RALGPS1: variants seen among roughly 807,000 people sequenced by gnomAD.
The protein encoded by RALGPS1 is ras-specific guanine nucleotide-releasing factor RalGPS1.
RALGPS1 carries 19 observed loss-of-function variants against 78.8 expected under a neutral mutation model. That is an observed-to-expected ratio of 0.24 (90% CI 0.17 to 0.35). The LOEUF is 0.35. Ranked by LOEUF, RALGPS1 falls within the 10% of genes least tolerant of loss-of-function variation. The pLI, the probability that RALGPS1 is intolerant of heterozygous loss-of-function variation, is 1.00. For missense variants in RALGPS1, 454 were observed against 688.3 expected, an observed-to-expected ratio of 0.66 and a Z score of 3.81; for synonymous variants, 228 against 256.3, an observed-to-expected ratio of 0.89 and a Z score of 1.06.
At chr9:127,005,517 T>G (rs1160996756) in intron 4 of RALGPS1, among the ~76,000 whole-genome samples, 1 of 152,200 alleles carries the variant, frequency 6.6e-6, no homozygotes, top group Non-Finnish European at 1.5e-5. Context: ...AAGCCTGCTT[T>G]GACAGCCTGT....
intron 1 of RALGPS1, among the ~76,000 whole-genome samples, chr9:126,947,660 G>A (rs2037409177): frequency 1.3e-5 from 2 of 152,188 alleles, no homozygotes; most frequent in Admixed American, 1.3e-4. Context: ...TGTCCCCTAA[G>A]CCACAGGGAG....
At chr9:127,103,878 G>C (rs1438962469) in intron 8 of RALGPS1, among the ~76,000 whole-genome samples, 1 of 152,146 alleles carries the variant, frequency 6.6e-6, no homozygotes, top group African/African-American at 2.4e-5. Context: ...TTCCCCTCCA[G>C]CCTTCCCGTG....
intron 4 of RALGPS1, among the ~76,000 whole-genome samples, chr9:126,985,982 G>A (rs1232146680): frequency 1.3e-5 from 2 of 152,264 alleles, no homozygotes; most frequent in Non-Finnish European, 2.9e-5. Context: ...CCAAAGGAGC[G>A]ATATTACCAG....
At chr9:126,942,162 C>T (rs1195709024) in intron 1 of RALGPS1, among the ~76,000 whole-genome samples, 2 of 152,214 alleles carry the variant, frequency 1.3e-5, no homozygotes, top group Non-Finnish European at 2.9e-5. Flanking sequence ...ACATCACAAA[C>T]ACCCTTTTCC....
chr9:127,115,176 AC>A (rs1398891277), intron 8 of RALGPS1, among the ~76,000 whole-genome samples: 3 of 151,768 alleles, frequency 2.0e-5, no homozygotes, highest in Admixed American at 6.6e-5. Flanking sequence ...CTGTTGTCTT[AC>A]GTAATTATTA....
intron 4 of RALGPS1, among the ~76,000 whole-genome samples, chr9:126,982,169 A>G (rs2041302477): frequency 6.6e-6 from 1 of 152,186 alleles, no homozygotes; most frequent in African/African-American, 2.4e-5. Flanking sequence ...ACAGTATCCT[A>G]TTAGTATCAC....
chr9:127,090,414 A>G (rs1401351481), intron 8 of RALGPS1, among the ~76,000 whole-genome samples: 1 of 152,188 alleles, frequency 6.6e-6, no homozygotes, highest in Non-Finnish European at 1.5e-5. Flanking sequence ...CTTCAGAATG[A>G]GGGCCTGTTC....
intron 8 of RALGPS1, among the ~76,000 whole-genome samples, chr9:127,139,319 GT>G (rs1279972480): frequency 6.6e-6 from 1 of 152,316 alleles, no homozygotes; most frequent in East Asian, 1.9e-4. Context: ...TGAGTGCCAG[GT>G]CCGAGGCAGA....
intron 8 of RALGPS1, among the ~76,000 whole-genome samples, chr9:127,163,188 C>G (rs2059117239): frequency 6.6e-6 from 1 of 152,210 alleles, no homozygotes; most frequent in Non-Finnish European, 1.5e-5. Flanking sequence ...TGTCCCACAT[C>G]TCTTCACTCC....
At chr9:127,149,236 C>G (rs555013427) in intron 8 of RALGPS1, among the ~76,000 whole-genome samples, 18 of 152,376 alleles carry the variant, frequency 1.2e-4, no homozygotes, top group African/African-American at 4.3e-4. Flanking sequence ...CAGAGTGCGG[C>G]AGGCCTCCTG....
intron 3 of RALGPS1, among the ~76,000 whole-genome samples, chr9:126,971,305 A>G (rs2040091618): frequency 6.6e-6 from 1 of 152,038 alleles, no homozygotes. Flanking sequence ...GAAACCGCAT[A>G]TTGAAAGAAC....
intron 1 of RALGPS1, among the ~76,000 whole-genome samples, chr9:126,960,967 G>C (rs575353015): frequency 4.9e-4 from 74 of 152,152 alleles, no homozygotes; most frequent in Admixed American, 2.7e-3. Flanking sequence ...TGACTTGACT[G>C]CCGCAGCCTC....
At chr9:127,074,083 T>G (rs112702928) in intron 8 of RALGPS1, among the ~76,000 whole-genome samples, 1 of 152,146 alleles carries the variant, frequency 6.6e-6, no homozygotes, top group African/African-American at 2.4e-5. Flanking sequence ...GGTTTCACCA[T>G]GTTGGCCAGG....
At chr9:127,053,476 C>CT (rs2048463977) in intron 7 of RALGPS1, among the ~76,000 whole-genome samples, 1 of 152,170 alleles carries the variant, frequency 6.6e-6, no homozygotes, top group South Asian at 2.1e-4. Flanking sequence ...TGTAAAAATA[C>CT]TTTAAAAATA....
At chr9:127,168,906 A>G in intron 10 of RALGPS1, 134 bp downstream of exon 10, 1 of 683,516 alleles carries the variant, frequency 1.5e-6, no homozygotes, top group Admixed American at 2.4e-5. Context: ...AGTCCACAGC[A>G]GTAGCGCCCA....
intron 8 of RALGPS1, among the ~76,000 whole-genome samples, chr9:127,143,084 C>T (rs1046057283): frequency 6.6e-6 from 1 of 151,980 alleles, no homozygotes; most frequent in Non-Finnish European, 1.5e-5. Context: ...TAGCTATTTC[C>T]CTATTGTTTG....
In RALGPS1 at chr9:127,205,526, A is replaced by T. The variant is rs1384401690; in HGVS notation, c.1247+6460A>T. Among the ~76,000 whole-genome samples, 1 of 152,244 alleles carries T rather than the reference A, an allele frequency of 6.6e-6. No individual in the cohort carries two copies. Among genetic ancestry groups the T allele is most frequent in the Non-Finnish European group, 1.5e-5 (1 of 68,042 alleles). Reference sequence around the variant, plus strand: ...CTTGACTCTGTTTTCGAGCCCTGCCAGGCAGCTGTTGCTGCTTCATGGGTA... The same window carrying T: ...CTTGACTCTGTTTTCGAGCCCTGCCTGGCAGCTGTTGCTGCTTCATGGGTA... On this transcript the variant is annotated intron_variant, in intron 14 of 18. Coordinates refer to ENST00000259351, the MANE Select transcript of RALGPS1 (RefSeq NM_014636.3). The surrounding 1 kb of genome is among the most constrained non-coding windows in gnomAD (Gnocchi z 4.0).
chr9:126,946,541 A>G (rs1730714106), intron 1 of RALGPS1, among the ~76,000 whole-genome samples: 1 of 146,206 alleles, frequency 6.8e-6, no homozygotes, highest in African/African-American at 2.8e-5. Flanking sequence ...CTCAAAAAAA[A>G]AAAAAAAAAA....
chr9:127,004,090 G>A lies in RALGPS1; in HGVS notation c.216+26345G>A, dbSNP rs117797149. 3.5e-3 allele frequency among the ~76,000 whole-genome samples: 539 copies of A among 152,290 alleles called. 2 individuals are homozygous for A. Among genetic ancestry groups the A allele is most frequent in the Middle Eastern group, 0.02 (6 of 294 alleles). ...AGTATCAGTTACTTTGCCGTAGACA[G>A]AGTCAAAGTCTCTTTTCTTTCTCTT... is the stretch of plus-strand genomic sequence containing the variant. On this transcript the variant is annotated intron_variant, in intron 4 of 18. Transcript: ENST00000259351.
Sources: allele counts gnomAD v4.1 joint callset (sites outside exome capture counted in the v4.1 genomes callset), GRCh38; gene constraint gnomAD v4.1.1; non-coding constraint Gnocchi (gnomAD v3.1); transcripts MANE v1.5; gene names NCBI Gene and HGNC (gene_info 2026-07-23, HGNC 2026-07-21).